The following FARP1 variants were observed in gnomAD, a reference collection of about 807,000 sequenced individuals.
FARP1 encodes the protein FERM, ARH/RhoGEF and pleckstrin domain protein 1.
FARP1 carries 52 observed loss-of-function variants against 128.8 expected under a neutral mutation model. That is an observed-to-expected ratio of 0.40 (90% confidence interval 0.32 to 0.51). The LOEUF is 0.51. Among genes scored for constraint, FARP1 ranks in the 20% least tolerant of loss-of-function variants. The pLI is 0.45. For missense variants in FARP1, 1,333 were observed against 1,367.9 expected, an observed-to-expected ratio of 0.97 and a Z score of 0.40; for synonymous variants, 580 against 551.8, an observed-to-expected ratio of 1.05 and a Z score of -0.72.
chr13:98,318,071 T>C (rs1293541353), intron 2 of FARP1, among the ~76,000 whole-genome samples: 2 of 139,914 alleles, frequency 1.4e-5, no homozygotes, highest in Non-Finnish European at 1.5e-5. Flanking sequence ...CCTCCTCCTT[T>C]TTTTTTTTTT....
intron 2 of FARP1, among the ~76,000 whole-genome samples, chr13:98,252,566 C>A (rs1315835674): frequency 6.6e-6 from 1 of 152,206 alleles, no homozygotes; most frequent in Non-Finnish European, 1.5e-5. Context: ...TCTGGCTTGA[C>A]CCTCATGGAT....
At position 98,388,459 on chromosome 13, in the gene FARP1, A is replaced by C; in HGVS notation, c.836A>C (p.Lys279Thr). The change falls in exon 9 of 27, where the codon AAG (lysine) becomes ACG (threonine). Residue 279 changes from lysine (K) to threonine (T), a missense_variant. Coordinates refer to ENST00000319562, the MANE Select transcript of FARP1 (RefSeq NM_005766.4). ...LSFKRKRFLI[K>T]LRPDANSAYQ... ...TTCAAGAGGAAGCGCTTTCTCATCA[A>C]GCTCCGGCCAGATGCCAATGTAAGT... 1 of 1,613,872 alleles carries C rather than the reference A, an allele frequency of 6.2e-7. No homozygotes were observed. Among genetic ancestry groups the C allele is most frequent in the Non-Finnish European group, 8.5e-7 (1 of 1,179,756 alleles).
intron 1 of FARP1, among the ~76,000 whole-genome samples, chr13:98,148,359 C>T (rs1017715827): frequency 2.0e-5 from 3 of 152,150 alleles, no homozygotes; most frequent in African/African-American, 4.8e-5. Flanking sequence ...GCCTGGGCAA[C>T]AAAAGTGAAA....
chr13:98,360,935 A>C (rs573915457), intron 3 of FARP1, among the ~76,000 whole-genome samples: 1 of 152,182 alleles, frequency 6.6e-6, no homozygotes, highest in African/African-American at 2.4e-5. Flanking sequence ...CTCTAGAGAA[A>C]GCTTATGGTG....
At chr13:98,415,240 T>G (rs189621151) in intron 16 of FARP1, among the ~76,000 whole-genome samples, 1 of 152,330 alleles carries the variant, frequency 6.6e-6, no homozygotes, top group African/African-American at 2.4e-5. Context: ...ATCAGAGCTT[T>G]ATTAAGAGTG....
At chr13:98,391,544 T>TA (rs1890306284) in intron 11 of FARP1, among the ~76,000 whole-genome samples, 1 of 152,230 alleles carries the variant, frequency 6.6e-6, no homozygotes, top group Non-Finnish European at 1.5e-5. Flanking sequence ...GTGCTGGGAT[T>TA]ACAGGCAAGA....
chr13:98,162,640 T>C lies in FARP1; in HGVS notation c.-24+19148T>C, dbSNP rs564752654. Among the ~76,000 whole-genome samples the C allele has an allele frequency of 2.6e-5, 4 of 152,288 alleles. No individual in the cohort carries two copies. In the South Asian group the frequency reaches 8.3e-4, roughly 32 times the overall value. On this transcript the variant is annotated intron_variant, in intron 1 of 26. Coordinates refer to ENST00000319562, the MANE Select transcript of FARP1 (RefSeq NM_005766.4). The stretch of plus-strand genomic sequence containing the variant: ...TATACATTTATTTATGATCTTAGTC[T>C]TCAGACACTATTTATCTACTTTACC...
chr13:98,372,081 CTTTTTTTTTT>C lies in FARP1; in HGVS notation c.398+3899_398+3908del, dbSNP rs56838920. ...TTTGGAAAAGATGATCCCAGTTTTT[CTTTTTTTTTT>C]TTTTTTTTTTTTGGCGATGGAGTCT... is the stretch of plus-strand genomic sequence containing the variant. On this transcript the variant is annotated intron_variant, in intron 5 of 26. Transcript: ENST00000319562. 1.0e-3 allele frequency among the ~76,000 whole-genome samples: 95 copies of C among 92,350 alleles called. 1 individual carries two copies. Among genetic ancestry groups the C allele is most frequent in the African/African-American group, 4.0e-3 (92 of 22,986 alleles). The allele number at this position is 92,350 out of a possible 152,430, so 60.6% of individuals were successfully genotyped here.
intron 2 of FARP1, among the ~76,000 whole-genome samples, chr13:98,237,579 A>G (rs1354285300): frequency 6.6e-6 from 1 of 152,174 alleles, no homozygotes; most frequent in African/African-American, 2.4e-5. Context: ...TGCTTATCTC[A>G]GTAAAAAGTG....
Position 98,395,268 on chromosome 13 carries a change from A to G in FARP1, c.1206A>G (p.Glu402=). Residue 402 remains glutamate (E), a synonymous_variant, in exon 13 of 27, where the codon GAA becomes GAG. Transcript: ENST00000319562. The part of the protein sequence containing the change: ...STSLTFGEGA[E]SPGGQSCRRG... ...GCCTTACATTTGGAGAAGGTGCCGA[A>G]TCTCCAGGGGGCCAGAGCTGCCGGC... 6.2e-7 allele frequency: 1 copy of G among 1,606,046 alleles called. No individual in the cohort carries two copies. Among genetic ancestry groups the G allele is most frequent in the East Asian group, 2.2e-5 (1 of 44,598 alleles).
intron 1 of FARP1, among the ~76,000 whole-genome samples, chr13:98,174,781 G>C (rs285098): frequency 0.54 from 82,162 of 151,928 alleles, 25,278 homozygotes; most frequent in East Asian, 0.73. Flanking sequence ...TTCTAAATAT[G>C]TTAATTTTTG....
intron 1 of FARP1, among the ~76,000 whole-genome samples, chr13:98,161,107 C>T (rs929524439): frequency 4.6e-5 from 7 of 152,158 alleles, no homozygotes; most frequent in African/African-American, 1.7e-4. Context: ...ATCAACATCC[C>T]ACAGTTTCCT....
intron 1 of FARP1, among the ~76,000 whole-genome samples, chr13:98,154,892 T>C (rs781083710): frequency 3.3e-5 from 5 of 152,118 alleles, no homozygotes; most frequent in Non-Finnish European, 7.3e-5. Flanking sequence ...CAATGAACAA[T>C]TCTGGCATGG....
intron 5 of FARP1, among the ~76,000 whole-genome samples, chr13:98,375,912 C>T (rs908841818): frequency 2.6e-5 from 4 of 151,916 alleles, no homozygotes; most frequent in African/African-American, 7.3e-5. Context: ...CCACAGCGTG[C>T]GGCCCCAACA....
chr13:98,390,716 G>A, intron 10 of FARP1, 96 bp from the exon 11 acceptor site: 1 of 909,610 alleles, frequency 1.1e-6, no homozygotes, highest in Non-Finnish European at 1.8e-6. Flanking sequence ...TCCCAGTTAG[G>A]GAAGGAGGGG....
At chr13:98,389,929 A>G (rs750925923) in intron 9 of FARP1, 28 bp from the exon 10 acceptor site, 1 of 1,611,202 alleles carries the variant, frequency 6.2e-7, no homozygotes, top group South Asian at 1.1e-5. Flanking sequence ...GTAATGGAAA[A>G]AACCACCGTT....
intron 6 of FARP1, among the ~76,000 whole-genome samples, chr13:98,380,082 G>C (rs1483582626): frequency 6.6e-6 from 1 of 152,164 alleles, no homozygotes; most frequent in Admixed American, 6.5e-5. Context: ...CTTACTCAAA[G>C]ATTCCTGATG....
chr13:98,352,566 C>T (rs1277249340), intron 3 of FARP1, among the ~76,000 whole-genome samples: 2 of 152,198 alleles, frequency 1.3e-5, no homozygotes, highest in African/African-American at 4.8e-5. Flanking sequence ...GACAAGGAAG[C>T]TCTGGGAGCT....
At chr13:98,220,104 T>A (rs1024018439) in intron 2 of FARP1, among the ~76,000 whole-genome samples, 2 of 152,110 alleles carry the variant, frequency 1.3e-5, no homozygotes, top group Non-Finnish European at 2.9e-5. Flanking sequence ...CTAAAGGTCT[T>A]GAGGGGGCGG....
Sources: gnomAD v4.1 joint callset for allele counts (sites outside exome capture counted in the v4.1 genomes callset) on GRCh38, gnomAD v4.1.1 for gene constraint, MANE v1.5 for transcripts, NCBI Gene and HGNC (gene_info 2026-07-23, HGNC 2026-07-21) for gene names.